FBXL13: variants seen among roughly 807,000 people sequenced by gnomAD.
FBXL13 encodes F-box and leucine rich repeat protein 13, also known as F-box and leucine-rich repeat protein 13.
FBXL13 carries 67 observed loss-of-function variants against 83.6 expected under a neutral mutation model. That is an observed-to-expected ratio of 0.80 (90% CI 0.66 to 0.98). FBXL13 has a LOEUF of 0.98. Among genes scored for constraint, FBXL13 ranks in the 50% least tolerant of loss-of-function variants. The probability of loss-of-function intolerance (pLI) is 0.00; values close to 1 mark genes in which losing one functional copy is unlikely to be tolerated. For missense variants in FBXL13, 822 were observed against 866.5 expected (o/e 0.95, Z 0.64); for synonymous variants, 272 against 299.5 (o/e 0.91, Z 0.95).
chr7:102,827,763 G>A (rs1005251356), intron 18 of FBXL13, among the ~76,000 whole-genome samples: 1 of 152,058 alleles, frequency 6.6e-6, no homozygotes, highest in Non-Finnish European at 1.5e-5. Flanking sequence ...ACCTATGAGT[G>A]AGAACATGCA....
intron 6 of FBXL13, among the ~76,000 whole-genome samples, chr7:102,993,483 T>C (rs904363146): frequency 2.6e-5 from 4 of 152,218 alleles, no homozygotes; most frequent in African/African-American, 9.6e-5. Flanking sequence ...ACACTTACAT[T>C]ATTAAACTAA....
intron 8 of FBXL13, chr7:102,942,356 T>C: frequency 1.3e-6 from 2 of 1,553,000 alleles, no homozygotes; most frequent in East Asian, 2.4e-5. Context: ...AGTATACAAA[T>C]GCAGTGGGAG....
chr7:102,867,911 C>T (rs967674727), intron 16 of FBXL13, among the ~76,000 whole-genome samples: 2 of 151,262 alleles, frequency 1.3e-5, no homozygotes, highest in South Asian at 2.1e-4. Context: ...ACCGTGTTAG[C>T]CAGGATGGTC....
chr7:102,906,469 G>A (rs1300077134), intron 11 of FBXL13, among the ~76,000 whole-genome samples: 1 of 152,132 alleles, frequency 6.6e-6, no homozygotes, highest in African/African-American at 2.4e-5. Context: ...GCAACTTCAG[G>A]TGATTATTTA....
chr7:102,825,488 C>T (rs558389610), intron 18 of FBXL13, among the ~76,000 whole-genome samples: 1 of 152,164 alleles, frequency 6.6e-6, no homozygotes, highest in Non-Finnish European at 1.5e-5. Context: ...GACTTCCCAG[C>T]CTCCAGAAAT....
At chr7:102,861,652 T>C (rs747210175) in intron 16 of FBXL13, among the ~76,000 whole-genome samples, 3 of 152,194 alleles carry the variant, frequency 2.0e-5, no homozygotes, top group Non-Finnish European at 1.5e-5. Context: ...AAAGAATATA[T>C]AGTAACATAC....
exon 8 of FBXL13, chr7:102,963,641 C>T (rs373511784): frequency 6.2e-7 from 1 of 1,601,370 alleles, no homozygotes; most frequent in South Asian, 1.2e-5. Flanking sequence ...TCTGGAATCA[C>T]ATTTTTCACT....
intron 8 of FBXL13, chr7:102,942,211 T>C (rs1821593322): frequency 1.7e-6 from 2 of 1,152,088 alleles, no homozygotes; most frequent in Non-Finnish European, 2.5e-6. Context: ...AAAAGTTCTT[T>C]TGAAACAAAA....
intron 8 of FBXL13, among the ~76,000 whole-genome samples, chr7:102,961,159 AC>A (rs1441191345): frequency 6.6e-6 from 1 of 151,248 alleles, no homozygotes; most frequent in Admixed American, 6.6e-5. Context: ...AAATCAATGC[AC>A]AAAAATCACA....
At chr7:102,850,842 G>C (rs940464440) in intron 17 of FBXL13, among the ~76,000 whole-genome samples, 1 of 152,072 alleles carries the variant, frequency 6.6e-6, no homozygotes, top group Non-Finnish European at 1.5e-5. Context: ...TAGTATCCCT[G>C]GTCTAAAATT....
At chr7:103,015,023 G>C (rs1792119397) in intron 6 of FBXL13, among the ~76,000 whole-genome samples, 1 of 148,106 alleles carries the variant, frequency 6.8e-6, no homozygotes, top group East Asian at 2.0e-4. Context: ...TCCTCCCTAA[G>C]ATGCAAGGTT....
At chr7:103,025,080 C>T in exon 6 of FBXL13, 1 of 1,610,294 alleles carries the variant, frequency 6.2e-7, no homozygotes, top group Non-Finnish European at 8.5e-7. Flanking sequence ...ATTGCTCTTT[C>T]AGGTAACAGT....
intron 16 of FBXL13, among the ~76,000 whole-genome samples, chr7:102,856,411 T>A (rs76396088): frequency 0.046 from 7,038 of 152,322 alleles, 205 homozygotes; most frequent in South Asian, 0.1. Context: ...TGTTTTAGTA[T>A]GCTATAGAAA....
chr7:102,849,448 A>G (rs569329937), intron 17 of FBXL13, among the ~76,000 whole-genome samples: 1 of 152,304 alleles, frequency 6.6e-6, no homozygotes, highest in African/African-American at 2.4e-5. Flanking sequence ...AAACCTAACC[A>G]GGGTAAAAAA....
At chr7:102,827,908 T>C (rs534065219) in intron 18 of FBXL13, among the ~76,000 whole-genome samples, 52 of 152,320 alleles carry the variant, frequency 3.4e-4, no homozygotes, top group African/African-American at 1.2e-3. Flanking sequence ...TGCAGCATTA[T>C]TTCTGAGGGC....
intron 16 of FBXL13, among the ~76,000 whole-genome samples, chr7:102,860,847 C>T (rs1443590795): frequency 1.3e-5 from 2 of 152,070 alleles, no homozygotes; most frequent in African/African-American, 4.8e-5. Context: ...TACTGACATA[C>T]ACTTCATATA....
At chr7:102,970,502 T>C (rs1000090733) in intron 6 of FBXL13, among the ~76,000 whole-genome samples, 2 of 152,276 alleles carry the variant, frequency 1.3e-5, no homozygotes, top group East Asian at 1.9e-4. Flanking sequence ...GTTCCACTGG[T>C]AATAACTCTG....
chr7:102,973,254 C>A (rs928753806), intron 6 of FBXL13: 1 of 349,542 alleles, frequency 2.9e-6, no homozygotes, highest in African/African-American at 2.1e-5. Flanking sequence ...GAATGAGTAA[C>A]TCCTCTCTTC....
At chr7:102,978,498 AGATTGAG>A (rs1827793637) in intron 6 of FBXL13, 1 of 154,630 alleles carries the variant, frequency 6.5e-6, no homozygotes, top group Non-Finnish European at 1.4e-5. Context: ...GTACCCCTGA[AGATTGAG>A]AAAGAGGCCA....
Sources: gnomAD v4.1 joint callset for allele counts (sites outside exome capture counted in the v4.1 genomes callset) on GRCh38, gnomAD v4.1.1 for gene constraint, MANE v1.5 for transcripts, NCBI Gene and HGNC (gene_info 2026-07-23, HGNC 2026-07-21) for gene names.